Variants in FAT4 observed in about 807,000 individuals in gnomAD.
FAT4 encodes the protein FAT atypical cadherin 4.
In FAT4, 84 loss-of-function variants were observed where a neutral mutation model predicts 303.9. The observed-to-expected ratio is 0.28, with a 90% CI of 0.23 to 0.33. FAT4 has a LOEUF of 0.33. Ranked by LOEUF, FAT4 falls within the 10% of genes least tolerant of loss-of-function variation. The pLI is 1.00. For synonymous variants in FAT4, 2,307 were observed against 2,298.8 expected (o/e 1.00, Z -0.10); for missense variants, 6,005 against 6,146.8 (o/e 0.98, Z 0.77).
At chr4:125,379,997 G>A (rs991676061) in intron 2 of FAT4, among the ~76,000 whole-genome samples, 5 of 151,882 alleles carry the variant, frequency 3.3e-5, no homozygotes, top group Admixed American at 6.6e-5. Context: ...GAGTTCAAGT[G>A]ATTCTCCTGC....
chr4:125,344,505 T>C (rs1731924106), intron 2 of FAT4, among the ~76,000 whole-genome samples: 1 of 152,266 alleles, frequency 6.6e-6, no homozygotes, highest in African/African-American at 2.4e-5. Context: ...TCACCACTCT[T>C]GCTTCTTTGG....
chr4:125,340,990 T>A (rs1731772113), intron 2 of FAT4, among the ~76,000 whole-genome samples: 1 of 152,190 alleles, frequency 6.6e-6, no homozygotes, highest in Non-Finnish European at 1.5e-5. Flanking sequence ...ATGTGTTATG[T>A]GTTGTTATGT....
chr4:125,428,584 G>T (rs1725173455), intron 7 of FAT4, among the ~76,000 whole-genome samples: 1 of 151,944 alleles, frequency 6.6e-6, no homozygotes, highest in African/African-American at 2.4e-5. Context: ...CAGAATTTGG[G>T]TTTTCTTTTT....
At chr4:125,471,880 TCTCTA>T (rs1376790292) in intron 12 of FAT4, among the ~76,000 whole-genome samples, 2 of 80,966 alleles carry the variant, frequency 2.5e-5, no homozygotes, top group East Asian at 8.6e-4. Flanking sequence ...TGAAACCCTG[TCTCTA>T]CTAAAAATAC....
chr4:125,392,935 G>A (rs903424217), intron 2 of FAT4, among the ~76,000 whole-genome samples: 9 of 152,164 alleles, frequency 5.9e-5, no homozygotes, highest in Non-Finnish European at 1.0e-4. Context: ...GCTTAACATT[G>A]TTTTTCTTAG....
At chr4:125,443,713 A>G (rs1725736932) in intron 8 of FAT4, among the ~76,000 whole-genome samples, 2 of 152,212 alleles carry the variant, frequency 1.3e-5, no homozygotes. Context: ...TAAATGTTTA[A>G]CTGTTAAGAA....
At chr4:125,484,007 T>TCTCTCTCC (rs1727320023) in intron 16 of FAT4, among the ~76,000 whole-genome samples, 1 of 144,328 alleles carries the variant, frequency 6.9e-6, no homozygotes, top group Non-Finnish European at 1.5e-5. Flanking sequence ...TTGCATTCTC[T>TCTCTCTCC]CTCTCTCATT....
chr4:125,357,389 A>T (rs1181623460), intron 2 of FAT4, among the ~76,000 whole-genome samples: 1 of 152,140 alleles, frequency 6.6e-6, no homozygotes, highest in African/African-American at 2.4e-5. Flanking sequence ...GAGCAAAAAG[A>T]CCTAAAGATA....
At chr4:125,360,247 G>C (rs1256844472) in intron 2 of FAT4, among the ~76,000 whole-genome samples, 1 of 152,062 alleles carries the variant, frequency 6.6e-6, no homozygotes, top group East Asian at 1.9e-4. Context: ...TTTCCTCAAT[G>C]GCTAAGAGAT....
At chr4:125,330,029 T>C (rs1464841614) in intron 2 of FAT4, among the ~76,000 whole-genome samples, 1 of 152,210 alleles carries the variant, frequency 6.6e-6, no homozygotes, top group Non-Finnish European at 1.5e-5. Context: ...TGAAGACATC[T>C]TCTTGTTGAT....
intron 2 of FAT4, among the ~76,000 whole-genome samples, chr4:125,383,109 G>A (rs2126000293): frequency 6.6e-6 from 1 of 152,286 alleles, no homozygotes. Flanking sequence ...CTCTGGAGCA[G>A]CACTTTTAAT....
At chr4:125,400,367 A>C (rs959127723) in intron 3 of FAT4, among the ~76,000 whole-genome samples, 1 of 151,982 alleles carries the variant, frequency 6.6e-6, no homozygotes, top group African/African-American at 2.4e-5. Context: ...TCTCTTAAGA[A>C]ATGGTTATTT....
At chr4:125,396,014 T>C (rs1172751689) in intron 2 of FAT4, among the ~76,000 whole-genome samples, 1 of 152,174 alleles carries the variant, frequency 6.6e-6, no homozygotes, top group Non-Finnish European at 1.5e-5. Context: ...ATGTAAGTGA[T>C]CCAGATTCCA....
intron 3 of FAT4, among the ~76,000 whole-genome samples, chr4:125,402,762 A>T (rs996658004): frequency 2.6e-5 from 4 of 152,042 alleles, no homozygotes; most frequent in Non-Finnish European, 5.9e-5. Context: ...TGTCAGCTTT[A>T]CATGCCTATA....
chr4:125,331,923 A>T (rs1731402300), intron 2 of FAT4, among the ~76,000 whole-genome samples: 1 of 151,998 alleles, frequency 6.6e-6, no homozygotes, highest in African/African-American at 2.4e-5. Context: ...CAGGCTTTTG[A>T]TTTAAGAGAA....
chr4:125,463,488 C>T (rs1054443560), intron 10 of FAT4, 75 bp from the exon 11 acceptor site: 26 of 773,066 alleles, frequency 3.4e-5, no homozygotes, highest in East Asian at 2.2e-4. Flanking sequence ...AAGATTTTTA[C>T]GTATGGTAAT....
intron 7 of FAT4, among the ~76,000 whole-genome samples, chr4:125,419,780 C>T (rs578201547): frequency 3.7e-4 from 57 of 152,088 alleles, no homozygotes; most frequent in Non-Finnish European, 7.2e-4. Flanking sequence ...CATTTAGTAT[C>T]ATCACATTAT....
At position 125,448,445 on chromosome 4, in the gene FAT4, A is replaced by G. The variant is rs768182108; in HGVS notation, c.7451-16A>G. ...AAATTCCACGTGAGTATAACTGCACACTTTCTCTTTTATAGGTTCCTTTGT... is the reference window on the plus strand; with the variant it reads ...AAATTCCACGTGAGTATAACTGCACGCTTTCTCTTTTATAGGTTCCTTTGT... On this transcript the variant is annotated splice_polypyrimidine_tract_variant and intron_variant, in intron 9 of 17. Transcript: ENST00000394329. 4 of 1,575,956 alleles carry G rather than the reference A, an allele frequency of 2.5e-6. No homozygotes were observed. The highest frequency in any genetic ancestry group is 3.4e-6 in the Non-Finnish European group (4 of 1,163,128).
chr4:125,396,948 A>G lies in FAT4; in HGVS notation c.5176-1836A>G, dbSNP rs201439982. On this transcript the variant is annotated intron_variant, in intron 2 of 17. Transcript: ENST00000394329. Reference sequence around the variant, plus strand: ...TGTGTATATATATATATATATATATATATATATATATATATATAAAATATG... The same window carrying G: ...TGTGTATATATATATATATATATATGTATATATATATATATATAAAATATG... Among the ~76,000 whole-genome samples the G allele has an allele frequency of 4.2e-3, 615 of 144,958 alleles. 5 individuals carry two copies. Among genetic ancestry groups the G allele is most frequent in the African/African-American group, 5.7e-3 (223 of 39,100 alleles).
Sources: gnomAD v4.1 joint callset for allele counts (sites outside exome capture counted in the v4.1 genomes callset) on GRCh38, gnomAD v4.1.1 for gene constraint, MANE v1.5 for transcripts, NCBI Gene and HGNC (gene_info 2026-07-23, HGNC 2026-07-21) for gene names.